Variants in MPPED2 observed in about 807,000 individuals in gnomAD.
The protein encoded by MPPED2 is metallophosphoesterase MPPED2.
A neutral mutation model predicts 33.0 loss-of-function variants in MPPED2; 5 were observed. That is an observed-to-expected ratio of 0.15 (90% confidence interval 0.08 to 0.32). MPPED2 has a LOEUF of 0.32. Ranked by LOEUF, MPPED2 falls within the 10% of genes least tolerant of loss-of-function variation. The pLI is 1.00. For synonymous variants in MPPED2, 136 were observed against 141.9 expected (o/e 0.96, Z 0.29); for missense variants, 275 against 372.1 (o/e 0.74, Z 2.15).
intron 4 of MPPED2, among the ~76,000 whole-genome samples, chr11:30,436,522 C>T: frequency 6.6e-6 from 1 of 152,208 alleles, no homozygotes; most frequent in Non-Finnish European, 1.5e-5. Context: ...TCATTTACCT[C>T]TCCAGGCATC....
chr11:30,447,576 G>C (rs527668931), intron 4 of MPPED2, among the ~76,000 whole-genome samples: 2 of 152,166 alleles, frequency 1.3e-5, no homozygotes, highest in Admixed American at 1.3e-4. Flanking sequence ...AGAAGCGGCA[G>C]CAACCAGAAA....
intron 4 of MPPED2, among the ~76,000 whole-genome samples, chr11:30,440,278 C>T (rs1480178231): frequency 1.3e-5 from 2 of 151,218 alleles, no homozygotes; most frequent in East Asian, 2.0e-4. Context: ...TGCAGTGAGC[C>T]GAGGTCGCGC....
intron 3 of MPPED2, among the ~76,000 whole-genome samples, chr11:30,498,744 G>C (rs1400285184): frequency 6.6e-6 from 1 of 152,104 alleles, no homozygotes; most frequent in Non-Finnish European, 1.5e-5. Context: ...AAAAGTATAA[G>C]TAATGATATA....
rs961429515 is a variant in MPPED2, at chr11:30,536,269, C to A, written c.129-94G>T. ...ACATATTTATTATTATTCGTGAATG[C>A]ACCCAGACAAACTGACGCAAAGGCA... On this transcript the variant is annotated intron_variant, in intron 2 of 6. Transcript: ENST00000358117. The A allele has an allele frequency of 3.9e-5, 44 of 1,134,978 alleles. 1 individual carries two copies. The African/African-American group carries it at 6.0e-4, about 15-fold the overall frequency. 70.3% of individuals were successfully genotyped at this position (1,134,978 alleles called of 1,614,324 possible).
chr11:30,425,672 T>G (rs929461515), intron 4 of MPPED2: 6 of 152,190 alleles, frequency 3.9e-5, no homozygotes, highest in African/African-American at 1.4e-4. Flanking sequence ...TTTGTTTTGC[T>G]GCTGCAGAAA....
intron 4 of MPPED2, among the ~76,000 whole-genome samples, chr11:30,419,383 G>C (rs916707906): frequency 6.6e-6 from 1 of 152,112 alleles, no homozygotes; most frequent in Non-Finnish European, 1.5e-5. Context: ...CTTGCTCTGG[G>C]TGAGACTCTT....
intron 6 of MPPED2, among the ~76,000 whole-genome samples, chr11:30,391,154 G>T (rs562258323): frequency 6.6e-5 from 10 of 152,192 alleles, no homozygotes; most frequent in Non-Finnish European, 1.3e-4. Context: ...GGGCTTCAAA[G>T]AAGCTAGGGA....
downstream of MPPED2, among the ~76,000 whole-genome samples, chr11:30,408,547 T>C (rs1257768109): frequency 6.6e-6 from 1 of 152,166 alleles, no homozygotes; most frequent in Non-Finnish European, 1.5e-5. Flanking sequence ...CTTGACCTTG[T>C]GATCCGCCCG....
chr11:30,452,705 T>C (rs1366767050), intron 4 of MPPED2, among the ~76,000 whole-genome samples: 6 of 152,186 alleles, frequency 3.9e-5, no homozygotes, highest in Non-Finnish European at 1.5e-5. Context: ...TGTATCCTTT[T>C]CTTGAAAAAG....
chr11:30,420,721 G>T (rs1218504863), intron 4 of MPPED2, among the ~76,000 whole-genome samples: 1 of 152,060 alleles, frequency 6.6e-6, no homozygotes, highest in Non-Finnish European at 1.5e-5. Context: ...GGAGGCCTGG[G>T]GATAATGCCA....
chr11:30,577,767 C>T (rs1441400968), intron 2 of MPPED2, among the ~76,000 whole-genome samples: 2 of 152,164 alleles, frequency 1.3e-5, no homozygotes, highest in African/African-American at 4.8e-5. Flanking sequence ...GGTAAGCCAG[C>T]CTCCTGACAA....
intron 4 of MPPED2, among the ~76,000 whole-genome samples, chr11:30,452,784 T>A (rs1950118038): frequency 6.6e-6 from 1 of 151,976 alleles, no homozygotes; most frequent in Non-Finnish European, 1.5e-5. Flanking sequence ...ACTATTAGGA[T>A]AAAAGAGCTA....
chr11:30,436,454 G>A (rs558585615), intron 4 of MPPED2, among the ~76,000 whole-genome samples: 2 of 152,254 alleles, frequency 1.3e-5, no homozygotes, highest in South Asian at 2.1e-4. Flanking sequence ...CACTGTTGCC[G>A]GGGTTAAGAG....
At chr11:30,479,983 G>A (rs1951407038) in intron 4 of MPPED2, among the ~76,000 whole-genome samples, 1 of 152,144 alleles carries the variant, frequency 6.6e-6, no homozygotes, top group Non-Finnish European at 1.5e-5. Context: ...TATGTCAGTA[G>A]CAGATTCTGA....
At chr11:30,544,650 C>G (rs1341703209) in intron 2 of MPPED2, among the ~76,000 whole-genome samples, 2 of 152,150 alleles carry the variant, frequency 1.3e-5, no homozygotes, top group African/African-American at 4.8e-5. Flanking sequence ...ACCAGCCAGT[C>G]TGAGATGGTC....
chr11:30,491,334 T>C (rs553992392), intron 4 of MPPED2, among the ~76,000 whole-genome samples: 1 of 152,342 alleles, frequency 6.6e-6, no homozygotes, highest in African/African-American at 2.4e-5. Context: ...AGGGCAGACC[T>C]CATTCCTCAT....
In MPPED2 at chr11:30,411,253, C is replaced by T; in HGVS notation, c.*215G>A. ...GCATGGCCTTTGAGAAAACAGAAGT[C>T]ATTTTACAAATTCACAATGTTCCTC... On this transcript the variant is annotated 3_prime_UTR_variant, in exon 7 of 7. Coordinates refer to ENST00000358117, the MANE Select transcript of MPPED2 (RefSeq NM_001584.3). 1.7e-6 allele frequency: 2 copies of T among 1,190,362 alleles called. No individual in the cohort carries two copies. Among genetic ancestry groups the T allele is most frequent in the South Asian group, 7.2e-5 (2 of 27,650 alleles). 73.7% of individuals were successfully genotyped at this position (1,190,362 alleles called of 1,614,324 possible). A position where few individuals can be genotyped will look rare whatever the true frequency, so the allele number is the denominator to read the frequency against.
intron 2 of MPPED2, among the ~76,000 whole-genome samples, chr11:30,548,276 C>G (rs73459719): frequency 6.6e-6 from 1 of 151,780 alleles, no homozygotes; most frequent in African/African-American, 2.4e-5. Flanking sequence ...TGTAAAGGTG[C>G]GATCATAGCT....
At chr11:30,492,875 C>G (rs1252584331) in intron 4 of MPPED2, among the ~76,000 whole-genome samples, 2 of 152,150 alleles carry the variant, frequency 1.3e-5, no homozygotes, top group African/African-American at 2.4e-5. Context: ...AATTACTTAA[C>G]TTTTCTGCAC....
Sources: gnomAD v4.1 joint callset for allele counts (sites outside exome capture counted in the v4.1 genomes callset) on GRCh38, gnomAD v4.1.1 for gene constraint, MANE v1.5 for transcripts, NCBI Gene and HGNC (gene_info 2026-07-23, HGNC 2026-07-21) for gene names.